The following LMBR1 variants were observed in gnomAD, a reference collection of about 807,000 sequenced individuals.
LMBR1 encodes the protein limb development membrane protein 1.
A neutral mutation model predicts 73.9 loss-of-function variants in LMBR1; 52 were observed. That is an observed-to-expected ratio of 0.70 (90% confidence interval 0.56 to 0.89). The LOEUF (loss-of-function observed/expected upper bound fraction) is 0.89, where lower values mean the gene tolerates loss of function less well. Ranked by LOEUF, LMBR1 falls within the 40% of genes least tolerant of loss-of-function variation. The pLI, the probability that LMBR1 is intolerant of heterozygous loss-of-function variation, is 0.00. For missense variants in LMBR1, 539 were observed against 579.8 expected, an observed-to-expected ratio of 0.93 and a Z score of 0.72; for synonymous variants, 215 against 209.4, an observed-to-expected ratio of 1.03 and a Z score of -0.23.
chr7:156,782,047 T>C (rs1447233864), intron 5 of LMBR1, among the ~76,000 whole-genome samples: 3 of 152,238 alleles, frequency 2.0e-5, no homozygotes, highest in Admixed American at 6.5e-5. Context: ...ACTTTGACAA[T>C]GCTATAGGTA....
chr7:156,799,631 T>C (rs943814897), intron 4 of LMBR1, among the ~76,000 whole-genome samples: 1 of 152,158 alleles, frequency 6.6e-6, no homozygotes, highest in African/African-American at 2.4e-5. Flanking sequence ...CATGTAATAA[T>C]CCTACAATGT....
chr7:156,768,286 G>A (rs1046538183), intron 5 of LMBR1, among the ~76,000 whole-genome samples: 2 of 151,988 alleles, frequency 1.3e-5, no homozygotes, highest in South Asian at 2.1e-4. Context: ...GAACCTGGGA[G>A]GCGGAGGTTG....
downstream of LMBR1, chr7:156,675,982 C>T (rs200783898): frequency 2.9e-4 from 308 of 1,051,834 alleles, no homozygotes; most frequent in Non-Finnish European, 3.8e-4. Flanking sequence ...GTGTCAGGCC[C>T]GGGGTGCAGC....
chr7:156,891,707 G>A (rs1278537854), intron 1 of LMBR1, among the ~76,000 whole-genome samples: 1 of 152,118 alleles, frequency 6.6e-6, no homozygotes. Context: ...GTACACAGGC[G>A]TGTTTAGTAT....
intron 5 of LMBR1, among the ~76,000 whole-genome samples, chr7:156,789,920 TA>T (rs1474061244): frequency 6.6e-5 from 10 of 151,030 alleles, no homozygotes; most frequent in African/African-American, 2.5e-4. Flanking sequence ...CAGTTTAATT[TA>T]AAGTATAATT....
At chr7:156,886,153 A>G (rs73167961) in intron 1 of LMBR1, among the ~76,000 whole-genome samples, 15,542 of 152,114 alleles carry the variant, frequency 0.1, 896 homozygotes, top group African/African-American at 0.13. Flanking sequence ...AGCCTGAGTG[A>G]CGGAACCACA....
At position 156,862,125 on chromosome 7, in the gene LMBR1, C is replaced by T. The variant is rs1279710043; in HGVS notation, c.67-25240G>A. The stretch of plus-strand genomic sequence containing the variant: ...GACATACCAGAAACTGGGCAATTTA[C>T]AAAAGAAAGAGTTTTAATGGACTTA... On this transcript the variant is annotated intron_variant, in intron 1 of 16. Coordinates refer to ENST00000353442, the MANE Select transcript of LMBR1 (RefSeq NM_022458.4). Among the ~76,000 whole-genome samples the T allele has an allele frequency of 6.6e-5, 10 of 152,308 alleles. No homozygotes were observed. In the East Asian group the frequency reaches 1.7e-3, roughly 26 times the overall value.
chr7:156,750,127 C>T (rs950310190), intron 9 of LMBR1, among the ~76,000 whole-genome samples: 10 of 151,986 alleles, frequency 6.6e-5, no homozygotes, highest in African/African-American at 1.2e-4. Context: ...AAAAGAACTC[C>T]GGAGGTTTTG....
intron 5 of LMBR1, chr7:156,779,618 A>ATT: frequency 9.2e-7 from 1 of 1,091,182 alleles, no homozygotes; most frequent in Non-Finnish European, 1.2e-6. Flanking sequence ...TATACATTTA[A>ATT]TTCACATCAA....
chr7:156,864,986 ACT>A (rs1798252070), intron 1 of LMBR1, among the ~76,000 whole-genome samples: 1 of 138,594 alleles, frequency 7.2e-6, no homozygotes, highest in South Asian at 2.3e-4. Flanking sequence ...ACAGCGCGAG[ACT>A]CTGTCTCAAA....
intron 1 of LMBR1, among the ~76,000 whole-genome samples, chr7:156,847,613 T>C (rs978715900): frequency 2.6e-5 from 4 of 152,060 alleles, no homozygotes; most frequent in East Asian, 1.9e-4. Context: ...AACAGTCCTA[T>C]TGAAAAATGG....
chr7:156,672,253 C>G (rs750496963), intron 4 of LMBR1, among the ~76,000 whole-genome samples: 1 of 152,118 alleles, frequency 6.6e-6, no homozygotes. Context: ...ATGGTCGGTG[C>G]GTGTACTGAG....
intron 15 of LMBR1, among the ~76,000 whole-genome samples, chr7:156,708,220 T>C (rs73163997): frequency 0.087 from 13,242 of 152,084 alleles, 740 homozygotes; most frequent in East Asian, 0.19. Flanking sequence ...CCAAGAACCA[T>C]TGTAGGATGT....
intron 15 of LMBR1, among the ~76,000 whole-genome samples, chr7:156,700,558 A>T (rs939960349): frequency 1.8e-4 from 27 of 152,170 alleles, no homozygotes; most frequent in African/African-American, 4.1e-4. Flanking sequence ...ATAAAATTTA[A>T]AAAAAAATCA....
intron 3 of LMBR1, among the ~76,000 whole-genome samples, chr7:156,831,486 A>G (rs767833839): frequency 7.2e-5 from 11 of 152,136 alleles, no homozygotes; most frequent in Non-Finnish European, 1.3e-4. Flanking sequence ...AAAGAGATCA[A>G]TAAGGGCAGG....
chr7:156,829,765 A>G (rs1836338100), intron 3 of LMBR1, among the ~76,000 whole-genome samples: 1 of 152,172 alleles, frequency 6.6e-6, no homozygotes, highest in African/African-American at 2.4e-5. Flanking sequence ...TTACCACCTG[A>G]TAAAGCTATC....
chr7:156,762,236 T>C lies in LMBR1; in HGVS notation c.620-38A>G, dbSNP rs746299587. The C allele has an allele frequency of 3.8e-6, 5 of 1,333,092 alleles. No homozygotes were observed. In the South Asian group the frequency reaches 6.1e-5, roughly 16 times the overall value. The allele number at this position is 1,333,092 out of a possible 1,614,324, so 82.6% of individuals were successfully genotyped here. A position where few individuals can be genotyped will look rare whatever the true frequency, so the allele number is the denominator to read the frequency against. On this transcript the variant is annotated intron_variant, in intron 7 of 16. Coordinates refer to ENST00000353442, the MANE Select transcript of LMBR1 (RefSeq NM_022458.4). ...GATCACCAAAAGACAGAAAGCGACA[T>C]TATAGAGCTTGGAGAAAGAGATAAA... is the stretch of plus-strand genomic sequence containing the variant.
intron 4 of LMBR1, among the ~76,000 whole-genome samples, chr7:156,810,813 G>T (rs1187053860): frequency 1.3e-5 from 2 of 151,166 alleles, no homozygotes; most frequent in African/African-American, 2.4e-5. Flanking sequence ...TGATTTTTTT[G>T]TTTTTTGTTT....
chr7:156,858,815 A>C (rs1014111757), intron 1 of LMBR1, among the ~76,000 whole-genome samples: 1 of 152,190 alleles, frequency 6.6e-6, no homozygotes, highest in African/African-American at 2.4e-5. Flanking sequence ...AACATAACCT[A>C]TCAATAGATG....
Sources: allele counts gnomAD v4.1 joint callset (sites outside exome capture counted in the v4.1 genomes callset), GRCh38; gene constraint gnomAD v4.1.1; transcripts MANE v1.5; gene names NCBI Gene and HGNC (gene_info 2026-07-23, HGNC 2026-07-21).